Variants in USP33 observed in about 807,000 individuals in gnomAD.
USP33 encodes the protein ubiquitin specific peptidase 33.
Under a neutral mutation model 124.2 loss-of-function variants are expected in USP33, and 46 were observed. The observed-to-expected ratio is 0.37, with a 90% CI of 0.29 to 0.47. The LOEUF (loss-of-function observed/expected upper bound fraction) is 0.47. Among genes scored for constraint, USP33 ranks in the 20% least tolerant of loss-of-function variants. USP33 has a pLI of 0.99. For missense variants in USP33, 851 were observed against 1,070.6 expected, an observed-to-expected ratio of 0.79 and a Z score of 2.86; for synonymous variants, 350 against 352.3, an observed-to-expected ratio of 0.99 and a Z score of 0.07.
chr1:77,741,611 T>C lies in USP33; in HGVS notation c.81+6A>G. ...TTTTTCAAGGAAGAAAAAACCTGTT[T>C]CTTACAAGGGATTTTTGTATCAAAT... On this transcript the variant is annotated splice_donor_region_variant and intron_variant, in intron 2 of 23. Transcript: ENST00000370794. The C allele has an allele frequency of 8.2e-6, 13 of 1,579,486 alleles. No homozygotes were observed. Among genetic ancestry groups the C allele is most frequent in the Non-Finnish European group, 1.1e-5 (13 of 1,168,224 alleles).
chr1:77,723,106 A>G (rs1390302420), intron 12 of USP33, among the ~76,000 whole-genome samples: 4 of 152,212 alleles, frequency 2.6e-5, no homozygotes, highest in South Asian at 4.1e-4. Context: ...ACGAAGGATA[A>G]TATGTGCCTG....
chr1:77,721,690 G>A (rs1159911459), intron 14 of USP33, 141 bp downstream of exon 14: 1 of 681,034 alleles, frequency 1.5e-6, no homozygotes, highest in Non-Finnish European at 2.4e-6. Flanking sequence ...TATCAAGGTA[G>A]ACACTAACCG....
At position 77,697,189 on chromosome 1, in the gene USP33, A is replaced by G. The variant is rs1317530844; in HGVS notation, c.*128T>C. 2.2e-6 allele frequency: 2 copies of G among 898,764 alleles called. No individual in the cohort carries two copies. Among genetic ancestry groups the G allele is most frequent in the Non-Finnish European group, 1.6e-6 (1 of 610,080 alleles). 55.7% of individuals were successfully genotyped at this position (898,764 alleles called of 1,614,324 possible). ...TATTCTTCCATAATGCCCACTAAGA[A>G]GAAATAAATGGGATAAATGATGAAA... On this transcript the variant is annotated 3_prime_UTR_variant, in exon 24 of 24. Transcript: ENST00000370794.
intron 10 of USP33, among the ~76,000 whole-genome samples, chr1:77,727,059 A>G (rs1406322074): frequency 2.0e-5 from 3 of 152,258 alleles, no homozygotes; most frequent in African/African-American, 7.2e-5. Context: ...CAATATTTCA[A>G]TCATGACTAA....
intron 1 of USP33, among the ~76,000 whole-genome samples, chr1:77,748,716 AT>A (rs1291453908): frequency 7.0e-5 from 10 of 142,016 alleles, no homozygotes; most frequent in South Asian, 4.4e-4. Flanking sequence ...CTAATATTGT[AT>A]TTAGAAATTT....
chr1:77,726,672 G>A (rs1302402520), intron 10 of USP33, among the ~76,000 whole-genome samples: 1 of 150,536 alleles, frequency 6.6e-6, no homozygotes, highest in Admixed American at 6.6e-5. Flanking sequence ...AAGATATTCA[G>A]GACAGGTTTT....
At chr1:77,712,751 G>T (rs756999835) in intron 20 of USP33, among the ~76,000 whole-genome samples, 1 of 151,952 alleles carries the variant, frequency 6.6e-6, no homozygotes, top group Non-Finnish European at 1.5e-5. Flanking sequence ...CCAGCTACTA[G>T]GCAGGCTGAA....
At position 77,723,649 on chromosome 1, in the gene USP33, G is replaced by C. The variant is rs538047347; in HGVS notation, c.1277-206C>G. 3.9e-5 allele frequency among the ~76,000 whole-genome samples: 6 copies of C among 152,144 alleles called. No individual in the cohort carries two copies. The South Asian group carries it at 1.0e-3, about 26-fold the overall frequency. On this transcript the variant is annotated intron_variant, in intron 11 of 23. Transcript: ENST00000370794. ...AAGAAACTAAGCAGACAAGGCTTAAGATATTTGTTGTTTTTTTTTGTTTTT... is the reference window on the plus strand; with the variant it reads ...AAGAAACTAAGCAGACAAGGCTTAACATATTTGTTGTTTTTTTTTGTTTTT...
chr1:77,713,116 G>A (rs1675453931), intron 20 of USP33, 84 bp downstream of exon 20: 3 of 1,069,786 alleles, frequency 2.8e-6, no homozygotes, highest in Non-Finnish European at 4.2e-6. Context: ...ATAGCACAAG[G>A]AGCATCTCTG....
chr1:77,740,189 C>T (rs1678957851), intron 4 of USP33, among the ~76,000 whole-genome samples: 1 of 152,094 alleles, frequency 6.6e-6, no homozygotes, highest in African/African-American at 2.4e-5. Context: ...CAGAGCAAAG[C>T]AGAAAGGTGA....
intron 1 of USP33, among the ~76,000 whole-genome samples, chr1:77,751,311 T>C (rs528251671): frequency 6.6e-6 from 1 of 152,332 alleles, no homozygotes; most frequent in South Asian, 2.1e-4. Flanking sequence ...CGCTCTATGA[T>C]GTACAGCTCC....
At chr1:77,759,492 G>A in intron 1 of USP33, 151 bp downstream of exon 1, 1 of 396,808 alleles carries the variant, frequency 2.5e-6, no homozygotes, top group East Asian at 3.6e-5. Context: ...CCTTCTTCCC[G>A]CCCGCGAACC....
intron 7 of USP33, among the ~76,000 whole-genome samples, chr1:77,732,752 G>A (rs1387606288): frequency 6.8e-6 from 1 of 146,942 alleles, no homozygotes; most frequent in African/African-American, 2.5e-5. Flanking sequence ...ACAACCAACC[G>A]ATACTCATTC....
At chr1:77,707,420 A>T (rs147655549) in intron 21 of USP33, among the ~76,000 whole-genome samples, 6 of 152,290 alleles carry the variant, frequency 3.9e-5, no homozygotes, top group Non-Finnish European at 7.4e-5. Flanking sequence ...GTGAAGGGTC[A>T]CTTACTGGAT....
At chr1:77,701,876 G>A (rs1351315554) in intron 21 of USP33, among the ~76,000 whole-genome samples, 1 of 151,732 alleles carries the variant, frequency 6.6e-6, no homozygotes, top group African/African-American at 2.4e-5. Context: ...TGCCATGTTG[G>A]CCAGGCTGGT....
intron 5 of USP33, among the ~76,000 whole-genome samples, chr1:77,739,016 A>C (rs1678814225): frequency 6.6e-6 from 1 of 152,062 alleles, no homozygotes; most frequent in Non-Finnish European, 1.5e-5. Context: ...AAAAAAAAAA[A>C]CTTCAAAAAT....
intron 15 of USP33, among the ~76,000 whole-genome samples, chr1:77,719,616 G>A (rs1422125376): frequency 6.6e-6 from 1 of 152,112 alleles, no homozygotes; most frequent in African/African-American, 2.4e-5. Context: ...ATTTTGGGAG[G>A]CCAAGGTGGG....
intron 18 of USP33, 124 bp downstream of exon 18, chr1:77,715,618 G>T: frequency 8.8e-7 from 1 of 1,135,806 alleles, no homozygotes. Context: ...GTATTTTACT[G>T]TAATGAAATA....
chr1:77,697,953 T>C, intron 22 of USP33, 22 bp from the exon 23 acceptor site: 1 of 1,576,932 alleles, frequency 6.3e-7, no homozygotes, highest in East Asian at 2.3e-5. Flanking sequence ...AATATCAAAA[T>C]GTATTTTTCA....
Sources: gnomAD v4.1 joint callset for allele counts (sites outside exome capture counted in the v4.1 genomes callset) on GRCh38, gnomAD v4.1.1 for gene constraint, MANE v1.5 for transcripts, NCBI Gene and HGNC (gene_info 2026-07-23, HGNC 2026-07-21) for gene names.